SZT2: variants seen among roughly 807,000 people sequenced by gnomAD.
The protein encoded by SZT2 is SZT2 subunit of KICSTOR complex.
SZT2 carries 216 observed loss-of-function variants against 404.2 expected under a neutral mutation model. The observed-to-expected ratio is 0.53, with a 90% CI of 0.48 to 0.60. The LOEUF is 0.60. SZT2 is among the 20% of genes least tolerant of loss of function. The pLI is 0.00. For missense variants in SZT2, 3,857 were observed against 4,459.2 expected (o/e 0.86, Z 3.85); for synonymous variants, 1,693 against 1,749.9 (o/e 0.97, Z 0.81).
intron 1 of SZT2, among the ~76,000 whole-genome samples, chr1:43,402,220 A>G (rs1649769425): frequency 1.3e-5 from 2 of 152,190 alleles, no homozygotes; most frequent in African/African-American, 4.8e-5. Context: ...CCATTTGTGT[A>G]GGACAGACAA....
chr1:43,425,356 TG>T lies in SZT2; in HGVS notation c.2646-116del. On this transcript the variant is annotated intron_variant, in intron 18 of 71. Transcript: ENST00000634258. The surrounding 1 kb of genome is among the most constrained non-coding windows in gnomAD (Gnocchi z 4.3). ...TTTAGATGCTTCATCAGGCAGACGC[TG>T]GTCTGGGAAGGCCTTGTATGACTCG... 1 of 1,520,886 alleles carries T rather than the reference TG, an allele frequency of 6.6e-7. No individual in the cohort carries two copies. The highest frequency in any genetic ancestry group is 9.0e-7 in the Non-Finnish European group (1 of 1,112,120). 94.2% of individuals were successfully genotyped at this position (1,520,886 alleles called of 1,614,324 possible).
chr1:43,391,934 A>ACATTTTTTTTGGTACCAAGTCT, intron 1 of SZT2, among the ~76,000 whole-genome samples: 1 of 69,170 alleles, frequency 1.4e-5, no homozygotes, highest in Non-Finnish European at 3.0e-5. Flanking sequence ...AATACAAAAA[A>ACATTTTTTTTGGTACCAAGTCT]TTAGCTGGGC....
chr1:43,409,237 TAGAG>T (rs1224225315), intron 4 of SZT2, among the ~76,000 whole-genome samples: 1 of 152,156 alleles, frequency 6.6e-6, no homozygotes, highest in Non-Finnish European at 1.5e-5. Flanking sequence ...TTCAGAGAGT[TAGAG>T]AGTAGTGTAC....
At chr1:43,421,111 A>C (rs935049638) in intron 10 of SZT2, 63 bp from the exon 11 acceptor site, 1 of 1,596,592 alleles carries the variant, frequency 6.3e-7, no homozygotes, top group Non-Finnish European at 8.5e-7. Flanking sequence ...TGTCCCCCTA[A>C]GGCTCCCCTC....
intron 1 of SZT2, among the ~76,000 whole-genome samples, chr1:43,397,700 G>A (rs1435245963): frequency 1.3e-5 from 2 of 151,760 alleles, no homozygotes; most frequent in African/African-American, 4.8e-5. Flanking sequence ...GCTAATTTTT[G>A]TATGTTTTGG....
Position 43,431,110 on chromosome 1 carries a change from G to A in SZT2, c.4916+20G>A, listed in dbSNP as rs1653814965. The A allele has an allele frequency of 6.2e-7, 1 of 1,609,822 alleles. No individual in the cohort carries two copies. The highest frequency in any genetic ancestry group is 8.5e-7 in the Non-Finnish European group (1 of 1,178,362). On this transcript the variant is annotated intron_variant, in intron 33 of 71. Coordinates refer to ENST00000634258, the MANE Select transcript of SZT2 (RefSeq NM_001365999.1). Reference sequence around the variant, plus strand: ...CCACCGGTGTGGCAGCAAGTTTGGTGGGGGGTTTGGGACCTTTTTAGGGTA... The same window carrying A: ...CCACCGGTGTGGCAGCAAGTTTGGTAGGGGGTTTGGGACCTTTTTAGGGTA...
intron 46 of SZT2, 174 bp downstream of exon 46, chr1:43,438,076 A>G (rs914168133): frequency 1.6e-6 from 1 of 641,526 alleles, no homozygotes; most frequent in Admixed American, 2.8e-5. Context: ...ACCCTCTGGG[A>G]CTTCTCTTAG....
At position 43,433,048 on chromosome 1, in the gene SZT2, A is replaced by T; in HGVS notation, c.5662A>T (p.Lys1888Ter). 2 of 1,614,120 alleles carry T rather than the reference A, an allele frequency of 1.2e-6. No homozygotes were observed. The highest frequency in any genetic ancestry group is 1.7e-6 in the Non-Finnish European group (2 of 1,180,014). Residue 1888 changes from lysine to a stop codon, truncating the protein, a stop_gained, in exon 40 of 72, where the codon AAG (lysine) becomes TAG (stop). Coordinates refer to ENST00000634258, the MANE Select transcript of SZT2 (RefSeq NM_001365999.1). LOFTEE classifies it high-confidence loss of function. Reference protein sequence around the residue: ...SEGPNDTLGEKAPFTLRTPPG... With the variant: ...SEGPNDTLGE ...GGGTCCCAATGACACCCTTGGTGAG[A>T]AGGCCCCCTTCACATTGCGGACTCC...
At chr1:43,433,229 T>G (rs1165565567) in intron 40 of SZT2, 39 bp downstream of exon 40, 1 of 1,597,744 alleles carries the variant, frequency 6.3e-7, no homozygotes, top group East Asian at 2.2e-5. Context: ...ATGCTCCCAT[T>G]AACCTCTTCT....
Position 43,420,406 on chromosome 1 carries a change from AAG to A in SZT2, c.1261+86_1261+87del. The A allele has an allele frequency of 1.4e-6, 2 of 1,434,734 alleles. No homozygotes were observed. Among genetic ancestry groups the A allele is most frequent in the South Asian group, 2.8e-5 (2 of 70,326 alleles). 88.9% of individuals were successfully genotyped at this position (1,434,734 alleles called of 1,614,324 possible). ...GAAGACCCACATGTATCACACATGA[AAG>A]AGTGTCACATTGAAGTCCTTATCAC... On this transcript the variant is annotated intron_variant, in intron 9 of 71. Coordinates refer to ENST00000634258, the MANE Select transcript of SZT2 (RefSeq NM_001365999.1). The surrounding 1 kb of genome is among the most constrained non-coding windows in gnomAD (Gnocchi z 5.1).
At chr1:43,392,350 G>A (rs540891619) in intron 1 of SZT2, among the ~76,000 whole-genome samples, 35 of 151,416 alleles carry the variant, frequency 2.3e-4, no homozygotes, top group South Asian at 4.2e-4. Context: ...ATATAGAGCA[G>A]TACAGATCTA....
chr1:43,392,789 G>T (rs1648558279), intron 1 of SZT2, among the ~76,000 whole-genome samples: 1 of 152,174 alleles, frequency 6.6e-6, no homozygotes, highest in Admixed American at 6.5e-5. Context: ...GAAGAGTTCT[G>T]CCCCTGGGTG....
chr1:43,411,250 A>T (rs1651007858), intron 4 of SZT2, among the ~76,000 whole-genome samples: 1 of 152,164 alleles, frequency 6.6e-6, no homozygotes, highest in African/African-American at 2.4e-5. Flanking sequence ...GCCCCTTGGG[A>T]AGACCAGGTT....
chr1:43,394,172 C>CTTG, intron 1 of SZT2: 1 of 630,028 alleles, frequency 1.6e-6, no homozygotes, highest in Non-Finnish European at 2.0e-6. Flanking sequence ...ACTTGGAGAC[C>CTTG]TTGTTAGAAT....
chr1:43,391,736 A>C (rs538278886), intron 1 of SZT2, among the ~76,000 whole-genome samples: 1 of 152,334 alleles, frequency 6.6e-6, no homozygotes, highest in East Asian at 1.9e-4. Flanking sequence ...GTCCTGTAGA[A>C]ATCTAAAGCA....
At chr1:43,414,419 A>AT (rs796334958) in intron 4 of SZT2, among the ~76,000 whole-genome samples, 6 of 151,920 alleles carry the variant, frequency 3.9e-5, no homozygotes, top group Non-Finnish European at 8.8e-5. Flanking sequence ...ACCCACAAAA[A>AT]TTTTTAAAAA....
intron 4 of SZT2, among the ~76,000 whole-genome samples, chr1:43,413,460 C>T (rs1651316175): frequency 1.3e-5 from 2 of 152,096 alleles, no homozygotes; most frequent in African/African-American, 4.8e-5. Flanking sequence ...GGTGTATACC[C>T]AAAAGAAAGG....
At position 43,430,805 on chromosome 1, in the gene SZT2, C is replaced by T; in HGVS notation, c.4774+16C>T. The T allele has an allele frequency of 6.3e-7, 1 of 1,599,386 alleles. No homozygotes were observed. Among genetic ancestry groups the T allele is most frequent in the South Asian group, 1.1e-5 (1 of 89,580 alleles). On this transcript the variant is annotated intron_variant, in intron 32 of 71. Transcript: ENST00000634258. The stretch of plus-strand genomic sequence containing the variant: ...ACCTGCCTGGGTGAGTTTGAGGCAG[C>T]CCGAGGGAAAGCCAAAGGTCCTGGA...
At chr1:43,423,015 CTG>C in intron 14 of SZT2, 82 bp from the exon 15 acceptor site, 1 of 1,504,120 alleles carries the variant, frequency 6.6e-7, no homozygotes. Flanking sequence ...GAGAAGAGGG[CTG>C]TGTCTCACTT....
Sources: gnomAD v4.1 joint callset for allele counts (sites outside exome capture counted in the v4.1 genomes callset) on GRCh38, gnomAD v4.1.1 for gene constraint, Gnocchi (gnomAD v3.1) non-coding constraint, MANE v1.5 for transcripts, NCBI Gene and HGNC (gene_info 2026-07-23, HGNC 2026-07-21) for gene names.